APOL2: variants seen among roughly 807,000 people sequenced by gnomAD.
The protein encoded by APOL2 is apolipoprotein L2.
In APOL2, 8 loss-of-function variants were observed where a neutral mutation model predicts 7.1. The ratio of observed to expected loss-of-function variants is 1.12; its 90% CI spans 0.66 to 2.03. The LOEUF (loss-of-function observed/expected upper bound fraction) is 2.03. Among genes scored for constraint, APOL2 ranks in the 30% most tolerant of loss-of-function variants. APOL2 has a pLI of 0.00. For missense variants in APOL2, 471 were observed against 415.1 expected (o/e 1.13, Z -1.17); for synonymous variants, 177 against 159.9 (o/e 1.11, Z -0.81).
At chr22:36,232,392 A>C (rs978758597) in intron 3 of APOL2, among the ~76,000 whole-genome samples, 1 of 152,232 alleles carries the variant, frequency 6.6e-6, no homozygotes, top group Admixed American at 6.5e-5. Flanking sequence ...GTGCCCTAAC[A>C]CAGATGAGGG....
At chr22:36,237,801 C>T (rs2146984471) in intron 1 of APOL2, among the ~76,000 whole-genome samples, 1 of 152,298 alleles carries the variant, frequency 6.6e-6, no homozygotes, top group South Asian at 2.1e-4. Flanking sequence ...CCCCACCTTC[C>T]TCACCGCTCC....
Position 36,227,776 on chromosome 22 carries a change from G to GTA in APOL2, c.640_641dup (p.Gln215ThrfsTer23). ...TCCTCCCAATCCCTTGTGTGACTTG[G>GTA]TACCAATTGTCAACTAAGGTAAGAA... On this transcript the variant is annotated frameshift_variant, in exon 5 of 5. Transcript: ENST00000358502. LOFTEE classifies it low-confidence loss of function (END_TRUNC). 6.2e-7 allele frequency: 1 copy of GTA among 1,614,166 alleles called. No individual in the cohort carries two copies. The highest frequency in any genetic ancestry group is 8.5e-7 in the Non-Finnish European group (1 of 1,180,030).
chr22:36,229,036 C>G (rs1335562998), intron 4 of APOL2, among the ~76,000 whole-genome samples: 1 of 152,208 alleles, frequency 6.6e-6, no homozygotes, highest in African/African-American at 2.4e-5. Flanking sequence ...CACTAGGCGC[C>G]GACCTTGGCC....
At chr22:36,229,612 C>A (rs1424306374) in intron 4 of APOL2, among the ~76,000 whole-genome samples, 1 of 152,194 alleles carries the variant, frequency 6.6e-6, no homozygotes, top group Non-Finnish European at 1.5e-5. Flanking sequence ...CACAATCGTG[C>A]AATAGCAGTT....
In APOL2 at chr22:36,227,844, C is replaced by G. The variant is rs2146968064; in HGVS notation, c.574G>C (p.Ala192Pro). ...CCCACAAACTCCTTCATCACCTTTG[C>G]TACATTGGTGCCGCTTTGGTCCAAG... Reference protein sequence around the residue: ...RNLDQSGTNVAKVMKEFVGGN... With the variant: ...RNLDQSGTNVPKVMKEFVGGN... The change falls in exon 5 of 5, where the codon GCA becomes CCA. Residue 192 changes from alanine to proline, a missense_variant. Coordinates refer to ENST00000358502, the MANE Select transcript of APOL2 (RefSeq NM_030882.4). The G allele has an allele frequency of 6.2e-7, 1 of 1,614,238 alleles. No homozygotes were observed. Among genetic ancestry groups the G allele is most frequent in the Middle Eastern group, 1.6e-4 (1 of 6,062 alleles).
chr22:36,229,084 CTTG>C (rs1218352021), intron 4 of APOL2, among the ~76,000 whole-genome samples: 6 of 152,346 alleles, frequency 3.9e-5, no homozygotes, highest in East Asian at 1.9e-4. Flanking sequence ...CTTGCACCAC[CTTG>C]GCTCAGCAAG....
chr22:36,233,017 C>G lies in APOL2; in HGVS notation c.10+136G>C, dbSNP rs1041773384. 1.0e-4 allele frequency: 94 copies of G among 902,448 alleles called. No individual in the cohort carries two copies. In the South Asian group the frequency reaches 1.2e-3, roughly 11 times the overall value. 55.9% of individuals were successfully genotyped at this position (902,448 alleles called of 1,614,324 possible). ...CCTGGGTCGGGGGACTCCACGTGAC[C>G]TCTTCTGCTGCTCGGGGCAGACTCA... On this transcript the variant is annotated intron_variant, in intron 3 of 4. Transcript: ENST00000358502.
intron 3 of APOL2, among the ~76,000 whole-genome samples, chr22:36,232,577 G>T (rs1183601525): frequency 6.6e-6 from 1 of 152,218 alleles, no homozygotes; most frequent in East Asian, 1.9e-4. Flanking sequence ...GTACACGAGA[G>T]GGGAGGTAAG....
At chr22:36,230,248 AT>A (rs2146971430) in intron 4 of APOL2, among the ~76,000 whole-genome samples, 1 of 152,304 alleles carries the variant, frequency 6.6e-6, no homozygotes, top group South Asian at 2.1e-4. Context: ...TACTTTGGAA[AT>A]GGTCACTAAG....
chr22:36,227,530 C>T lies in APOL2; in HGVS notation c.888G>A (p.Lys296=). Residue 296 remains lysine (K), a synonymous_variant, in exon 5 of 5, where the codon AAG becomes AAA. Transcript: ENST00000358502. Reference sequence around the variant, plus strand: ...CTGACTTTGCCCCCTCAAGCAAGTGCTTTGACTCATATGCAAGGCTGACCA... The same window carrying T: ...CTGACTTTGCCCCCTCAAGCAAGTGTTTTGACTCATATGCAAGGCTGACCA... ...LDVVSLAYES[K]HLLEGAKSES... is the part of the protein sequence containing the mutation. 1.2e-6 allele frequency: 2 copies of T among 1,614,182 alleles called. No individual in the cohort carries two copies. Among genetic ancestry groups the T allele is most frequent in the Non-Finnish European group, 8.5e-7 (1 of 1,180,026 alleles).
chr22:36,228,028 C>G lies in APOL2; in HGVS notation c.390G>C (p.Leu130=). 6.2e-7 allele frequency: 1 copy of G among 1,614,232 alleles called. No individual in the cohort carries two copies. The change falls in exon 5 of 5, where the codon CTG becomes CTC. Residue 130 remains leucine, a synonymous_variant. Transcript: ENST00000358502. ...SNSVGTTSGI[L]TLLGLGLAPF... is the part of the protein sequence containing the mutation. ...GTGCCAGACCCAGGCCGAGGAGGGT[C>G]AGGATGCCAGAGGTAGTGCCAACAG...
rs781764024 is a variant in APOL2, at chr22:36,227,539, A to G, written c.879T>C (p.Tyr293=). ...CCCCCTCAAGCAAGTGCTTTGACTC[A>G]TATGCAAGGCTGACCACATCCAGCA... ...LLLLDVVSLA[Y]ESKHLLEGAK... is the part of the protein sequence containing the mutation. Residue 293 remains tyrosine, a synonymous_variant, in exon 5 of 5, where the codon TAT becomes TAC. Coordinates refer to ENST00000358502, the MANE Select transcript of APOL2 (RefSeq NM_030882.4). 9.9e-6 allele frequency: 16 copies of G among 1,614,052 alleles called. No individual in the cohort carries two copies. Among genetic ancestry groups the G allele is most frequent in the Non-Finnish European group, 1.4e-5 (16 of 1,180,034 alleles).
chr22:36,239,016 TG>T, intron 1 of APOL2: 1 of 676,014 alleles, frequency 1.5e-6, no homozygotes, highest in Non-Finnish European at 2.0e-6. Context: ...AGCAGCACCC[TG>T]GGGCCAGCCT....
At position 36,227,690 on chromosome 22, in the gene APOL2, G is replaced by T. The variant is rs373105957; in HGVS notation, c.728C>A (p.Pro243Gln). 1 of 1,614,218 alleles carries T rather than the reference G, an allele frequency of 6.2e-7. No individual in the cohort carries two copies. Among genetic ancestry groups the T allele is most frequent in the Non-Finnish European group, 8.5e-7 (1 of 1,180,028 alleles). ...AGCTGAGATTCGCCCAATGACATGC[G>T]GGGGTGGGGCATACGCTCCTAACTG... ...NPQLGAYAPP[P>Q]HVIGRISAEG... The change falls in exon 5 of 5, where the codon CCG becomes CAG. Residue 243 changes from proline (P) to glutamine (Q), a missense_variant. By Grantham distance (76) the Pro-to-Gln change is moderately conservative (BLOSUM62 -1). Transcript: ENST00000358502.
chr22:36,230,878 C>CT (rs2146972322), intron 4 of APOL2, among the ~76,000 whole-genome samples: 1 of 152,278 alleles, frequency 6.6e-6, no homozygotes, highest in South Asian at 2.1e-4. Flanking sequence ...ATTTTTCTGA[C>CT]TTTTCCCAAA....
chr22:36,234,079 T>C (rs1378345800), intron 1 of APOL2, among the ~76,000 whole-genome samples: 1 of 152,228 alleles, frequency 6.6e-6, no homozygotes, highest in African/African-American at 2.4e-5. Flanking sequence ...CCCTAGCTGA[T>C]GGACCTTAGG....
At chr22:36,239,199 T>C in intron 1 of APOL2, 2 of 1,290,086 alleles carry the variant, frequency 1.6e-6, no homozygotes, top group Non-Finnish European at 9.8e-7. Context: ...CCCGGGGAGC[T>C]TTGTGAACCC....
At chr22:36,237,220 C>A (rs1277896087) in intron 1 of APOL2, 3 of 1,382,408 alleles carry the variant, frequency 2.2e-6, no homozygotes, top group Non-Finnish European at 9.4e-7. Flanking sequence ...GGTGAGCCTG[C>A]AGGCTGGTCA....
chr22:36,235,970 A>G (rs1161118833), intron 1 of APOL2, among the ~76,000 whole-genome samples: 2 of 152,176 alleles, frequency 1.3e-5, no homozygotes, highest in African/African-American at 2.4e-5. Context: ...TGTGGGAAAA[A>G]GGGACTCAAT....
Sources: gnomAD v4.1 joint callset for allele counts (sites outside exome capture counted in the v4.1 genomes callset) on GRCh38, gnomAD v4.1.1 for gene constraint, MANE v1.5 for transcripts, NCBI Gene and HGNC (gene_info 2026-07-23, HGNC 2026-07-21) for gene names.